The following SDK1 variants were observed in gnomAD, a reference collection of about 807,000 sequenced individuals.
SDK1 encodes the protein protein sidekick-1.
A neutral mutation model predicts 245.5 loss-of-function variants in SDK1; 157 were observed. The ratio of observed to expected loss-of-function variants is 0.64; its 90% CI spans 0.56 to 0.73. The LOEUF is 0.73. Ranked by LOEUF, SDK1 falls within the 30% of genes least tolerant of loss-of-function variation. The pLI, the probability that SDK1 is intolerant of heterozygous loss-of-function variation, is 0.00. For missense variants in SDK1, 3,583 were observed against 3,002.3 expected (o/e 1.19, Z -4.52); for synonymous variants, 1,647 against 1,278.5 (o/e 1.29, Z -6.15).
chr7:3,415,723 GTA>G (rs962032447), intron 1 of SDK1, among the ~76,000 whole-genome samples: 10 of 148,862 alleles, frequency 6.7e-5, no homozygotes, highest in East Asian at 5.8e-4. Context: ...ATATATAAAT[GTA>G]TATATATATA....
chr7:3,587,208 C>T (rs1165925300), intron 1 of SDK1, among the ~76,000 whole-genome samples: 2 of 152,108 alleles, frequency 1.3e-5, no homozygotes, highest in East Asian at 1.9e-4. Context: ...AGGCCAAAGA[C>T]AGAGGAGAAA....
Position 3,889,188 on chromosome 7 carries a change from G to T in SDK1, c.848-61735G>T, listed in dbSNP as rs910713187. Among the ~76,000 whole-genome samples, 4 of 152,202 alleles carry T rather than the reference G, an allele frequency of 2.6e-5. No homozygotes were observed. The East Asian group carries it at 7.7e-4, about 29-fold the overall frequency. ...CCTCTGAGATTCAATCAAATATTAA[G>T]ATCCTTGAGGCCATCACACTATTTA... On this transcript the variant is annotated intron_variant, in intron 5 of 44. Coordinates refer to ENST00000404826, the MANE Select transcript of SDK1 (RefSeq NM_152744.4).
chr7:3,320,672 A>G (rs1247735523), intron 1 of SDK1, among the ~76,000 whole-genome samples: 2 of 152,182 alleles, frequency 1.3e-5, no homozygotes, highest in African/African-American at 4.8e-5. Context: ...AATATTAATC[A>G]TGGCCATCCC....
chr7:3,621,913 T>C (rs1348152253), intron 2 of SDK1, among the ~76,000 whole-genome samples: 1 of 152,244 alleles, frequency 6.6e-6, no homozygotes, highest in African/African-American at 2.4e-5. Context: ...CTTTACGCAG[T>C]TGAGAAACCC....
rs146944390 is a variant in SDK1 at position 3,449,798 on chromosome 7, G to A, written c.298+147914G>A. ...TTACTGAACATCAGCTGTGCTTTCA[G>A]CATTTTGTGAGGCTCTGGGGAATAA... On this transcript the variant is annotated intron_variant, in intron 1 of 44. Transcript: ENST00000404826. Among the ~76,000 whole-genome samples, 261 of 152,320 alleles carry A rather than the reference G, an allele frequency of 1.7e-3. 1 individual carries two copies. The highest frequency in any genetic ancestry group is 6.1e-3 in the African/African-American group (252 of 41,576).
chr7:3,581,201 C>G (rs1010941217), intron 1 of SDK1, among the ~76,000 whole-genome samples: 1 of 151,990 alleles, frequency 6.6e-6, no homozygotes, highest in Non-Finnish European at 1.5e-5. Context: ...AAAATATTGG[C>G]TAACTATGTA....
intron 1 of SDK1, among the ~76,000 whole-genome samples, chr7:3,553,910 C>T (rs1186868296): frequency 6.6e-6 from 1 of 152,136 alleles, no homozygotes; most frequent in African/African-American, 2.4e-5. Context: ...AGCAGGGACC[C>T]GTGGGAGCCC....
chr7:4,072,517 C>A (rs970889654), intron 20 of SDK1, among the ~76,000 whole-genome samples: 2 of 152,254 alleles, frequency 1.3e-5, no homozygotes, highest in Non-Finnish European at 2.9e-5. Context: ...CTCCCCCCAG[C>A]ACCCACCATG....
chr7:3,789,804 C>A (rs1326517180), intron 4 of SDK1, among the ~76,000 whole-genome samples: 1 of 152,024 alleles, frequency 6.6e-6, no homozygotes, highest in African/African-American at 2.4e-5. Context: ...GGATAGAAAG[C>A]ACTTGGAGAC....
chr7:3,774,727 A>G (rs1290889475), intron 4 of SDK1, among the ~76,000 whole-genome samples: 1 of 152,136 alleles, frequency 6.6e-6, no homozygotes, highest in Non-Finnish European at 1.5e-5. Flanking sequence ...TAATCTGAAA[A>G]AAATAGTTGT....
chr7:3,738,756 G>A (rs1779391533), intron 4 of SDK1, among the ~76,000 whole-genome samples: 1 of 151,740 alleles, frequency 6.6e-6, no homozygotes, highest in Non-Finnish European at 1.5e-5. Context: ...CCTTTCTTAA[G>A]TTTATTTTTA....
chr7:4,243,623 G>A (rs1041362503), intron 43 of SDK1, among the ~76,000 whole-genome samples: 6 of 152,206 alleles, frequency 3.9e-5, no homozygotes, highest in South Asian at 2.1e-4. Context: ...CCATCAGATC[G>A]TGTGAGACTT....
At chr7:3,747,342 G>C (rs1387486471) in intron 4 of SDK1, among the ~76,000 whole-genome samples, 1 of 152,224 alleles carries the variant, frequency 6.6e-6, no homozygotes, top group East Asian at 1.9e-4. Context: ...GTGTGTACTT[G>C]TAAGGGTGGA....
chr7:4,045,852 C>T (rs1788983046), intron 17 of SDK1, among the ~76,000 whole-genome samples: 1 of 152,084 alleles, frequency 6.6e-6, no homozygotes. Context: ...TCCTGTCGTT[C>T]TATTGGCTTT....
intron 38 of SDK1, among the ~76,000 whole-genome samples, chr7:4,213,192 T>C (rs1209464005): frequency 6.6e-6 from 1 of 152,122 alleles, no homozygotes; most frequent in African/African-American, 2.4e-5. Context: ...GGCAAGTGGA[T>C]CACGAGGTCA....
chr7:3,679,362 C>T (rs532341679), intron 4 of SDK1, among the ~76,000 whole-genome samples: 4 of 152,062 alleles, frequency 2.6e-5, no homozygotes, highest in Admixed American at 1.3e-4. Context: ...GTCGGGAGAT[C>T]GAGACCATCC....
chr7:3,992,596 T>G (rs1784411879), intron 14 of SDK1, among the ~76,000 whole-genome samples: 1 of 152,148 alleles, frequency 6.6e-6, no homozygotes, highest in South Asian at 2.1e-4. Context: ...ATGAAAGCAT[T>G]TGGCCCACTC....
At position 3,448,506 on chromosome 7, in the gene SDK1, A is replaced by G. The variant is rs1044085363; in HGVS notation, c.298+146622A>G. ...AATAAATTAAAATATATGTAATCACATTGATCTATCTTTGTTTAGGTTTTC... is the reference window on the plus strand; with the variant it reads ...AATAAATTAAAATATATGTAATCACGTTGATCTATCTTTGTTTAGGTTTTC... On this transcript the variant is annotated intron_variant, in intron 1 of 44. Transcript: ENST00000404826. 2.0e-5 allele frequency among the ~76,000 whole-genome samples: 3 copies of G among 152,138 alleles called. No homozygotes were observed. The East Asian group carries it at 5.8e-4, about 29-fold the overall frequency.
At chr7:4,127,642 G>A (rs651659) in intron 26 of SDK1, 146 bp downstream of exon 26, 92,762 of 647,036 alleles carry the variant, frequency 0.14, 7,733 homozygotes, top group African/African-American at 0.23. Flanking sequence ...AAGATATTCA[G>A]TTGTCTTATC....
Sources: gnomAD v4.1 joint callset for allele counts (sites outside exome capture counted in the v4.1 genomes callset) on GRCh38, gnomAD v4.1.1 for gene constraint, MANE v1.5 for transcripts, NCBI Gene and HGNC (gene_info 2026-07-23, HGNC 2026-07-21) for gene names.